The following KCNT2 variants were observed in gnomAD, a reference collection of about 807,000 sequenced individuals.
The protein encoded by KCNT2 is potassium sodium-activated channel subfamily T member 2, also known as potassium channel subfamily T member 2.
A neutral mutation model predicts 153.8 loss-of-function variants in KCNT2; 67 were observed. The observed-to-expected ratio is 0.44, with a 90% CI of 0.36 to 0.53. The LOEUF is 0.53. KCNT2 is among the 20% of genes least tolerant of loss of function. The pLI is 0.00. For synonymous variants in KCNT2, 500 were observed against 458.8 expected, an observed-to-expected ratio of 1.09 and a Z score of -1.15; for missense variants, 975 against 1,354.8, an observed-to-expected ratio of 0.72 and a Z score of 4.40.
intron 1 of KCNT2, among the ~76,000 whole-genome samples, chr1:196,576,736 A>G (rs74134370): frequency 0.021 from 3,221 of 152,208 alleles, 105 homozygotes; most frequent in African/African-American, 0.073. Flanking sequence ...TGTTTATAGT[A>G]TGCAGTTAAT....
chr1:196,254,201 T>C (rs528827617), intron 26 of KCNT2, among the ~76,000 whole-genome samples: 33 of 151,600 alleles, frequency 2.2e-4, no homozygotes, highest in Middle Eastern at 3.4e-3. Flanking sequence ...AATAAAGTTC[T>C]ATGAACAGAA....
At chr1:196,364,272 T>G (rs749616338) in intron 14 of KCNT2, among the ~76,000 whole-genome samples, 28 of 152,256 alleles carry the variant, frequency 1.8e-4, no homozygotes, top group Non-Finnish European at 2.6e-4. Context: ...TAAAATTGGT[T>G]CAAATTAAAA....
intron 22 of KCNT2, among the ~76,000 whole-genome samples, chr1:196,289,301 C>A (rs1045032913): frequency 2.0e-5 from 3 of 151,910 alleles, no homozygotes; most frequent in Admixed American, 6.6e-5. Flanking sequence ...TGAATATAAC[C>A]TGTTAAAACT....
At chr1:196,359,390 A>C (rs60840993) in intron 14 of KCNT2, among the ~76,000 whole-genome samples, 1,952 of 152,118 alleles carry the variant, frequency 0.013, 42 homozygotes, top group African/African-American at 0.045. Flanking sequence ...ATTTATTAAA[A>C]ATTTCTTTTT....
At chr1:196,305,712 T>G (rs1277098018) in intron 21 of KCNT2, among the ~76,000 whole-genome samples, 3 of 152,124 alleles carry the variant, frequency 2.0e-5, no homozygotes, top group Non-Finnish European at 4.4e-5. Context: ...ATAAGCTGAT[T>G]GGCAAAAATT....
At chr1:196,298,749 C>T (rs556367486) in intron 22 of KCNT2, among the ~76,000 whole-genome samples, 3 of 149,408 alleles carry the variant, frequency 2.0e-5, no homozygotes, top group Admixed American at 1.4e-4. Context: ...TTCTGCTGCC[C>T]ACACCAGCTT....
At chr1:196,577,173 G>T (rs1041836764) in intron 1 of KCNT2, among the ~76,000 whole-genome samples, 16 of 152,090 alleles carry the variant, frequency 1.1e-4, no homozygotes, top group African/African-American at 3.4e-4. Context: ...CAATGATAGA[G>T]TAATAGGTAC....
chr1:196,306,030 T>C (rs56168012), intron 21 of KCNT2, among the ~76,000 whole-genome samples: 2 of 152,044 alleles, frequency 1.3e-5, no homozygotes, highest in African/African-American at 4.8e-5. Flanking sequence ...ACAAGATTTC[T>C]TTCCCCCAGA....
chr1:196,241,404 A>G (rs1483041137), intron 26 of KCNT2, among the ~76,000 whole-genome samples: 1 of 152,070 alleles, frequency 6.6e-6, no homozygotes. Flanking sequence ...TTGCTCATGT[A>G]TTCCAGTTTA....
At chr1:196,463,382 G>T (rs1231663266) in intron 8 of KCNT2, among the ~76,000 whole-genome samples, 4 of 151,698 alleles carry the variant, frequency 2.6e-5, no homozygotes, top group African/African-American at 9.7e-5. Context: ...TGCTTGTAAT[G>T]CAGAGAAGAA....
intron 14 of KCNT2, among the ~76,000 whole-genome samples, chr1:196,346,908 A>G (rs2148189441): frequency 6.6e-6 from 1 of 152,272 alleles, no homozygotes; most frequent in East Asian, 1.9e-4. Context: ...TCTAAGACAT[A>G]GTAGATGTTC....
chr1:196,388,239 T>A (rs1171649626), intron 13 of KCNT2, among the ~76,000 whole-genome samples: 1 of 151,684 alleles, frequency 6.6e-6, no homozygotes. Context: ...TACTTCTGGG[T>A]TGTATTCTGT....
intron 1 of KCNT2, among the ~76,000 whole-genome samples, chr1:196,583,416 C>T (rs1662295551): frequency 6.6e-6 from 1 of 151,522 alleles, no homozygotes; most frequent in Admixed American, 6.6e-5. Context: ...GAAAAGACAC[C>T]CAGTGGAAAG....
chr1:196,329,964 TATATA>T (rs1664291892), intron 18 of KCNT2, among the ~76,000 whole-genome samples: 1 of 134,768 alleles, frequency 7.4e-6, no homozygotes, highest in South Asian at 2.2e-4. Flanking sequence ...TATATATATA[TATATA>T]TATATATATA....
rs1368054958 is a variant in KCNT2 at position 196,435,265 on chromosome 1, GTTTAC to G, written c.639-5513_639-5509del. On this transcript the variant is annotated intron_variant, in intron 8 of 27. Transcript: ENST00000294725. Reference sequence around the variant, plus strand: ...TTATCTCACCTTCACTATTTGGACTGTTTACTTAACATAATATCATTTGAAATAGT... The same window carrying G: ...TTATCTCACCTTCACTATTTGGACTGTTAACATAATATCATTTGAAATAGT... Among the ~76,000 whole-genome samples, 3 of 145,910 alleles carry G rather than the reference GTTTAC, an allele frequency of 2.1e-5. No homozygotes were observed. In the East Asian group the frequency reaches 6.1e-4, roughly 30 times the overall value.
chr1:196,235,046 C>T (rs1027600241), intron 27 of KCNT2, among the ~76,000 whole-genome samples: 6 of 151,420 alleles, frequency 4.0e-5, no homozygotes, highest in Non-Finnish European at 8.9e-5. Context: ...TCATATATGT[C>T]TAAGTGCTGT....
intron 16 of KCNT2, among the ~76,000 whole-genome samples, chr1:196,340,133 T>C (rs557398421): frequency 2.9e-4 from 44 of 152,106 alleles, no homozygotes; most frequent in African/African-American, 1.1e-3. Flanking sequence ...TATAGACATA[T>C]GCCACCACAG....
At chr1:196,561,684 G>GAAGA (rs35988088) in intron 1 of KCNT2, among the ~76,000 whole-genome samples, 56,968 of 89,888 alleles carry the variant, frequency 0.63, 20,337 homozygotes, top group East Asian at 0.82. Context: ...AAAAGAAGAA[G>GAAGA]AAGAAAGAAT....
At position 196,489,832 on chromosome 1, in the gene KCNT2, C is replaced by T; in HGVS notation, c.275+6G>A. On this transcript the variant is annotated splice_donor_region_variant and intron_variant, in intron 3 of 27. Transcript: ENST00000294725. Reference sequence around the variant, plus strand: ...TATTGTTGAAGGTCAGAAAAAGGTACCTTACCATTCATTTCCTTGTGAAGG... The same window carrying T: ...TATTGTTGAAGGTCAGAAAAAGGTATCTTACCATTCATTTCCTTGTGAAGG... 3 of 1,398,410 alleles carry T rather than the reference C, an allele frequency of 2.1e-6. No homozygotes were observed. Among genetic ancestry groups the T allele is most frequent in the Non-Finnish European group, 3.0e-6 (3 of 1,004,280 alleles). The allele number at this position is 1,398,410 out of a possible 1,614,324, so 86.6% of individuals were successfully genotyped here.
Sources: allele counts gnomAD v4.1 joint callset (sites outside exome capture counted in the v4.1 genomes callset), GRCh38; gene constraint gnomAD v4.1.1; transcripts MANE v1.5; gene names NCBI Gene and HGNC (gene_info 2026-07-23, HGNC 2026-07-21).